The following PICALM variants were observed in gnomAD, a reference collection of about 807,000 sequenced individuals.
PICALM encodes the protein phosphatidylinositol-binding clathrin assembly protein.
Under a neutral mutation model 80.5 loss-of-function variants are expected in PICALM, and 40 were observed. That is an observed-to-expected ratio of 0.50 (90% CI 0.39 to 0.65). The LOEUF (loss-of-function observed/expected upper bound fraction) is 0.65, where lower values mean the gene tolerates loss of function less well. Ranked by LOEUF, PICALM falls within the 30% of genes least tolerant of loss-of-function variation. The pLI is 0.00. For missense variants in PICALM, 676 were observed against 778.9 expected, an observed-to-expected ratio of 0.87 and a Z score of 1.57; for synonymous variants, 288 against 260.3, an observed-to-expected ratio of 1.11 and a Z score of -1.02.
chr11:86,066,552 T>C lies in PICALM; in HGVS notation c.130+2099A>G, dbSNP rs530528103. The stretch of plus-strand genomic sequence containing the variant: ...AGCTAATAACATTTATGAAACAACA[T>C]GCAAATAGCACTCTTCTAACCCTAC... On this transcript the variant is annotated intron_variant, in intron 1 of 19. Coordinates refer to ENST00000393346, the MANE Select transcript of PICALM (RefSeq NM_007166.4). Among the ~76,000 whole-genome samples, 26 of 152,248 alleles carry C rather than the reference T, an allele frequency of 1.7e-4. No homozygotes were observed. In the East Asian group the frequency reaches 3.9e-3, roughly 23 times the overall value.
rs1020889379 is a variant in PICALM, at chr11:86,022,420, C to T, written c.399G>A (p.Glu133=). 8 of 1,594,500 alleles carry T rather than the reference C, an allele frequency of 5.0e-6. No individual in the cohort carries two copies. Among genetic ancestry groups the T allele is most frequent in the African/African-American group, 1.3e-5 (1 of 74,452 alleles). Reference sequence around the variant, plus strand: ...CAACTTGTCTGTATGAAACTGCTTTCTCATTTAAATATCTACTATACCGCC... The same window carrying T: ...CAACTTGTCTGTATGAAACTGCTTTTTCATTTAAATATCTACTATACCGCC... ...FIRRYSRYLN[E]KAVSYRQVAF... Residue 133 remains glutamate (E), a synonymous_variant, in exon 4 of 20, where the codon GAG becomes GAA. Transcript: ENST00000393346.
intron 19 of PICALM, among the ~76,000 whole-genome samples, chr11:85,960,996 C>T (rs914122082): frequency 2.1e-5 from 3 of 144,480 alleles, no homozygotes; most frequent in Non-Finnish European, 4.5e-5. Flanking sequence ...AAAACAAACT[C>T]GTGCTTCTGA....
intron 1 of PICALM, among the ~76,000 whole-genome samples, chr11:86,032,121 G>C (rs1023794085): frequency 6.6e-6 from 1 of 152,146 alleles, no homozygotes; most frequent in African/African-American, 2.4e-5. Flanking sequence ...TAACAGGGCA[G>C]AGATCTGGTC....
rs566467537 is a variant in PICALM at position 86,050,222 on chromosome 11, A to C, written c.130+18429T>G. On this transcript the variant is annotated intron_variant, in intron 1 of 19. Transcript: ENST00000393346. ...TCTGTCTCAAAAAAAAAAAAAAAAA[A>C]AAACTATATCAGTAAGTTGCTTAAT... is the stretch of plus-strand genomic sequence containing the variant. Among the ~76,000 whole-genome samples the C allele has an allele frequency of 2.8e-4, 43 of 151,438 alleles. No homozygotes were observed. The East Asian group carries it at 7.4e-3, about 26-fold the overall frequency.
At chr11:85,981,814 G>C (rs757538611) in intron 15 of PICALM, 39 bp from the exon 16 acceptor site, 1 of 1,610,604 alleles carries the variant, frequency 6.2e-7, no homozygotes, top group South Asian at 1.1e-5. Context: ...TTTATAACAC[G>C]AGACGCAGTT....
intron 16 of PICALM, 33 bp from the exon 17 acceptor site, chr11:85,981,261 T>C (rs140657304): frequency 1.7e-6 from 2 of 1,162,400 alleles, no homozygotes; most frequent in African/African-American, 1.5e-5. Flanking sequence ...ATATTAAATG[T>C]CTCTAATTAT....
At chr11:85,959,188 G>T in intron 19 of PICALM, 128 bp from the exon 20 acceptor site, 3 of 540,728 alleles carry the variant, frequency 5.5e-6, no homozygotes, top group Non-Finnish European at 9.8e-6. Context: ...CACAAACCCT[G>T]TTTATAAAAC....
chr11:85,966,664 T>C (rs574472824), intron 19 of PICALM, among the ~76,000 whole-genome samples: 1 of 152,162 alleles, frequency 6.6e-6, no homozygotes, highest in Non-Finnish European at 1.5e-5. Flanking sequence ...TGCCCATAAA[T>C]TTGACCCTAC....
intron 1 of PICALM, 43 bp downstream of exon 1, chr11:86,068,608 G>C: frequency 1.9e-6 from 3 of 1,580,664 alleles, no homozygotes; most frequent in Admixed American, 1.8e-5. Context: ...CGCGCGGGTC[G>C]CGCGGGCGCC....
At chr11:86,065,706 T>G (rs1446984980) in intron 1 of PICALM, among the ~76,000 whole-genome samples, 1 of 152,244 alleles carries the variant, frequency 6.6e-6, no homozygotes, top group Non-Finnish European at 1.5e-5. Context: ...TACAAACATA[T>G]TTCAAGTTTG....
chr11:85,995,716 TA>T (rs1384375657), intron 12 of PICALM, among the ~76,000 whole-genome samples: 9 of 152,150 alleles, frequency 5.9e-5, no homozygotes. Flanking sequence ...TAACCTTTTC[TA>T]AAGCAATTCA....
intron 19 of PICALM, among the ~76,000 whole-genome samples, chr11:85,965,395 T>C (rs2093841951): frequency 6.6e-6 from 1 of 152,186 alleles, no homozygotes; most frequent in African/African-American, 2.4e-5. Flanking sequence ...TTCCTAATAC[T>C]GATGTGTAAT....
chr11:86,020,034 C>A (rs1235724618), intron 4 of PICALM, among the ~76,000 whole-genome samples: 2 of 152,048 alleles, frequency 1.3e-5, no homozygotes, highest in Non-Finnish European at 2.9e-5. Context: ...GAGGCCTCAT[C>A]CTATATCCTA....
chr11:85,993,652 T>C lies in PICALM; in HGVS notation c.1258+3174A>G, dbSNP rs183057080. ...TGGGGTATCACCATGTTGGCCAGGC[T>C]GGTCTCAAATTCCTGACGTCAAATG... On this transcript the variant is annotated intron_variant, in intron 12 of 19. Transcript: ENST00000393346. 3.0e-3 allele frequency among the ~76,000 whole-genome samples: 456 copies of C among 152,150 alleles called. 3 individuals carry two copies. The highest frequency in any genetic ancestry group is 0.011 in the African/African-American group (438 of 41,512).
intron 18 of PICALM, 74 bp downstream of exon 18, chr11:85,976,549 G>T: frequency 1.1e-6 from 1 of 928,424 alleles, no homozygotes; most frequent in Non-Finnish European, 1.8e-6. Flanking sequence ...TCTTTTTTAG[G>T]TTAAATTGTA....
At chr11:86,036,938 C>T (rs1361686302) in intron 1 of PICALM, among the ~76,000 whole-genome samples, 1 of 30,596 alleles carries the variant, frequency 3.3e-5, no homozygotes, top group Non-Finnish European at 6.6e-5. Context: ...CCTGTCTCAA[C>T]AACAACCAAA....
chr11:85,972,374 G>A (rs138266485), intron 19 of PICALM, among the ~76,000 whole-genome samples: 1 of 152,160 alleles, frequency 6.6e-6, no homozygotes, highest in African/African-American at 2.4e-5. Context: ...TGGTATAAAT[G>A]AGCACTGGAC....
In PICALM at chr11:86,061,447, G is replaced by C. The variant is rs115423323; in HGVS notation, c.130+7204C>G. 2.4e-3 allele frequency among the ~76,000 whole-genome samples: 353 copies of C among 149,894 alleles called. 4 individuals are homozygous for C. Among genetic ancestry groups the C allele is most frequent in the African/African-American group, 8.5e-3 (345 of 40,726 alleles). On this transcript the variant is annotated intron_variant, in intron 1 of 19. Transcript: ENST00000393346. ...AAGAAAACAAAGAACCTGACTTTAA[G>C]AACAGGACAATGACCTTAACGGACA... is the stretch of plus-strand genomic sequence containing the variant.
chr11:86,067,250 C>G (rs1000004003), intron 1 of PICALM, among the ~76,000 whole-genome samples: 2 of 152,186 alleles, frequency 1.3e-5, no homozygotes, highest in African/African-American at 4.8e-5. Flanking sequence ...AGTGAATTAT[C>G]TTTCAGGGCA....
Sources: gnomAD v4.1 joint callset for allele counts (sites outside exome capture counted in the v4.1 genomes callset) on GRCh38, gnomAD v4.1.1 for gene constraint, MANE v1.5 for transcripts, NCBI Gene and HGNC (gene_info 2026-07-23, HGNC 2026-07-21) for gene names.